The following CMTM4 variants were observed in gnomAD, a reference collection of about 807,000 sequenced individuals.
CMTM4 encodes the protein CKLF-like MARVEL transmembrane domain-containing protein 4.
CMTM4 carries 8 observed loss-of-function variants against 19.0 expected under a neutral mutation model. The observed-to-expected ratio is 0.42, with a 90% CI of 0.25 to 0.76. The LOEUF is 0.76. Among genes scored for constraint, CMTM4 ranks in the 30% least tolerant of loss-of-function variants. CMTM4 has a pLI of 0.27. For synonymous variants in CMTM4, 106 were observed against 121.1 expected, an observed-to-expected ratio of 0.88 and a Z score of 0.82; for missense variants, 228 against 290.2, an observed-to-expected ratio of 0.79 and a Z score of 1.56.
At chr16:66,600,136 G>GTGTGTGGTTTTTT in the CMTM4 span, among the ~76,000 whole-genome samples, 1 of 135,154 alleles carries the variant, frequency 7.4e-6, no homozygotes, top group Admixed American at 7.8e-5. Flanking sequence ...GTGTGTGTGT[G>GTGTGTGGTTTTTT]TTTTTTTTTG....
At chr16:66,659,833 C>T (rs2016469402) in intron 1 of CMTM4, among the ~76,000 whole-genome samples, 1 of 152,094 alleles carries the variant, frequency 6.6e-6, no homozygotes, top group Admixed American at 6.5e-5. Flanking sequence ...ACTGTAAAAG[C>T]TGGATAAAAA....
In CMTM4 at chr16:66,680,478, C is replaced by CA. The variant is rs1333416836; in HGVS notation, c.186+15861dup. On this transcript the variant is annotated intron_variant, in intron 1 of 3. Transcript: ENST00000394106. ...TGGGTGACAGAGTGAGACTCCATCT[C>CA]AAAAAAAAAAAAAAGGTCGGGCATG... 7.6e-3 allele frequency among the ~76,000 whole-genome samples: 735 copies of CA among 96,714 alleles called. 6 individuals carry two copies. Among genetic ancestry groups the CA allele is most frequent in the Middle Eastern group, 0.063 (9 of 142 alleles). The allele number at this position is 96,714 out of a possible 152,430, so 63.4% of individuals were successfully genotyped here. A position where few individuals can be genotyped will look rare whatever the true frequency, so the allele number is the denominator to read the frequency against.
At chr16:66,637,670 G>T (rs2016022796) in intron 1 of CMTM4, among the ~76,000 whole-genome samples, 1 of 152,198 alleles carries the variant, frequency 6.6e-6, no homozygotes, top group African/African-American at 2.4e-5. Context: ...TTTAAAGGGG[G>T]ATTTCAGGAG....
intron 1 of CMTM4, among the ~76,000 whole-genome samples, chr16:66,647,893 G>T (rs1398382056): frequency 1.3e-5 from 2 of 152,148 alleles, no homozygotes; most frequent in Non-Finnish European, 2.9e-5. Context: ...GAAATCATTT[G>T]ATAAAAGTGG....
At chr16:66,650,322 G>A (rs1308700677) in intron 1 of CMTM4, among the ~76,000 whole-genome samples, 1 of 152,194 alleles carries the variant, frequency 6.6e-6, no homozygotes, top group African/African-American at 2.4e-5. Context: ...CCAAAGAACC[G>A]AACACCTGTT....
chr16:66,689,012 C>T (rs999198675), intron 1 of CMTM4, among the ~76,000 whole-genome samples: 2 of 152,136 alleles, frequency 1.3e-5, no homozygotes, highest in African/African-American at 2.4e-5. Context: ...ACCTTGCTAA[C>T]TCACTTATTA....
chr16:66,677,473 G>C (rs1000494422), intron 1 of CMTM4, among the ~76,000 whole-genome samples: 9 of 152,238 alleles, frequency 5.9e-5, no homozygotes, highest in African/African-American at 1.7e-4. Context: ...GATTTACGTG[G>C]AGAGAATCTG....
chr16:66,608,056 A>C, the CMTM4 span, among the ~76,000 whole-genome samples: 1 of 152,152 alleles, frequency 6.6e-6, no homozygotes, highest in Admixed American at 6.5e-5. This position sits in a 1 kb window ranked among gnomAD's most constrained non-coding sequence, Gnocchi z 5.1. Flanking sequence ...ATGTTGCCCA[A>C]GCTGGGGTCA....
chr16:66,667,940 G>C (rs1031007695), intron 1 of CMTM4, among the ~76,000 whole-genome samples: 3 of 151,624 alleles, frequency 2.0e-5, no homozygotes, highest in Non-Finnish European at 2.9e-5. Context: ...TGTTTTCTTT[G>C]CTTTATATGA....
intron 1 of CMTM4, among the ~76,000 whole-genome samples, chr16:66,651,025 G>A (rs972749018): frequency 6.6e-6 from 1 of 152,180 alleles, no homozygotes; most frequent in Non-Finnish European, 1.5e-5. Context: ...AAAAATATCT[G>A]AAAGACGAGA....
At chr16:66,630,037 G>A (rs1045364694) in intron 2 of CMTM4, among the ~76,000 whole-genome samples, 6 of 152,096 alleles carry the variant, frequency 3.9e-5, no homozygotes, top group Non-Finnish European at 7.4e-5. Flanking sequence ...TGAACCTGAG[G>A]GGTGGTGGAA....
downstream of CMTM4, chr16:66,613,345 G>A: frequency 1.9e-6 from 1 of 538,572 alleles, no homozygotes; most frequent in Non-Finnish European, 3.3e-6. Flanking sequence ...AAGACAGAGG[G>A]TACAACAGTG....
Position 66,618,796 on chromosome 16 carries a change from A to G in CMTM4, c.*3262T>C, listed in dbSNP as rs985544441. On this transcript the variant is annotated 3_prime_UTR_variant, in exon 4 of 4. Coordinates refer to ENST00000394106, the MANE Select transcript of CMTM4 (RefSeq NM_181521.3). Reference sequence around the variant, plus strand: ...AAGCTGTCCCAGAAGCACCCGACATAGGGTGGAGGTCAGACACATTCCCTG... The same window carrying G: ...AAGCTGTCCCAGAAGCACCCGACATGGGGTGGAGGTCAGACACATTCCCTG... 7 of 985,348 alleles carry G rather than the reference A, an allele frequency of 7.1e-6. No individual in the cohort carries two copies. The highest frequency in any genetic ancestry group is 6.1e-5 in the Admixed American group (1 of 16,274). The allele number at this position is 985,348 out of a possible 1,614,324, so 61.0% of individuals were successfully genotyped here. A position where few individuals can be genotyped will look rare whatever the true frequency, so the allele number is the denominator to read the frequency against.
At chr16:66,637,238 C>G (rs1326729362) in intron 1 of CMTM4, among the ~76,000 whole-genome samples, 2 of 152,176 alleles carry the variant, frequency 1.3e-5, no homozygotes, top group Non-Finnish European at 2.9e-5. Flanking sequence ...ATTAAGAAAT[C>G]TACCAATAAT....
chr16:66,629,955 C>T (rs1166761673), intron 2 of CMTM4, among the ~76,000 whole-genome samples: 1 of 152,164 alleles, frequency 6.6e-6, no homozygotes, highest in Non-Finnish European at 1.5e-5. Context: ...TGAGTTGTAT[C>T]GTTTAAAACA....
rs948831471 is a variant in CMTM4 at position 66,623,648 on chromosome 16, G to A, written c.364-146C>T. ...CAGTCTCAATGTCACAGGGTTACTG[G>A]TCACACAAAAGAAGGCAAAGTTAAC... On this transcript the variant is annotated intron_variant, in intron 2 of 3. Coordinates refer to ENST00000394106, the MANE Select transcript of CMTM4 (RefSeq NM_181521.3). 5.4e-6 allele frequency: 3 copies of A among 552,526 alleles called. No individual in the cohort carries two copies. In the African/African-American group the frequency reaches 5.8e-5, roughly 11 times the overall value. The allele number at this position is 552,526 out of a possible 1,614,324, so 34.2% of individuals were successfully genotyped here.
At chr16:66,675,957 C>G (rs1356223731) in intron 1 of CMTM4, among the ~76,000 whole-genome samples, 1 of 151,966 alleles carries the variant, frequency 6.6e-6, no homozygotes, top group East Asian at 1.9e-4. Flanking sequence ...CTCCCAGTCT[C>G]CTCGTACTCT....
At chr16:66,652,720 C>G (rs1461584862) in intron 1 of CMTM4, among the ~76,000 whole-genome samples, 3 of 152,154 alleles carry the variant, frequency 2.0e-5, no homozygotes, top group Non-Finnish European at 2.9e-5. Context: ...TTAGAGCACA[C>G]AAACAGGGTT....
chr16:66,680,710 C>T (rs1178907324), intron 1 of CMTM4, among the ~76,000 whole-genome samples: 1 of 129,564 alleles, frequency 7.7e-6, no homozygotes, highest in Non-Finnish European at 1.6e-5. Context: ...GGAGGCAGAG[C>T]TTGCAGTGAG....
Sources: gnomAD v4.1 joint callset for allele counts (sites outside exome capture counted in the v4.1 genomes callset) on GRCh38, gnomAD v4.1.1 for gene constraint, Gnocchi (gnomAD v3.1) non-coding constraint, MANE v1.5 for transcripts, NCBI Gene and HGNC (gene_info 2026-07-23, HGNC 2026-07-21) for gene names.